The following POMP variants were observed in gnomAD, a reference collection of about 807,000 sequenced individuals.
The protein encoded by POMP is proteasome maturation protein.
In POMP, 12 loss-of-function variants were observed where a neutral mutation model predicts 20.6. That is an observed-to-expected ratio of 0.58 (90% CI 0.37 to 0.94). POMP has a LOEUF of 0.94. Ranked by LOEUF, POMP falls within the 40% of genes least tolerant of loss-of-function variation. The pLI, the probability that POMP is intolerant of heterozygous loss-of-function variation, is 0.01. For synonymous variants in POMP, 53 were observed against 55.0 expected (o/e 0.96, Z 0.16); for missense variants, 136 against 161.1 (o/e 0.84, Z 0.84).
intron 5 of POMP, among the ~76,000 whole-genome samples, chr13:28,674,531 A>T (rs1365778007): frequency 6.6e-6 from 1 of 152,240 alleles, no homozygotes; most frequent in Non-Finnish European, 1.5e-5. Context: ...GTCTCCCAGC[A>T]TATATAAGAG....
At position 28,668,529 on chromosome 13, in the gene POMP, A is replaced by C. The variant is rs560145213; in HGVS notation, c.219A>C (p.Leu73=). 6.2e-7 allele frequency: 1 copy of C among 1,613,202 alleles called. No homozygotes were observed. The highest frequency in any genetic ancestry group is 8.5e-7 in the Non-Finnish European group (1 of 1,179,200). Reference sequence around the variant, plus strand: ...CCACACTGAGAAACATTCAGGGTCTATTTGCTCCGCTAAAATTACAGATGG... The same window carrying C: ...CCACACTGAGAAACATTCAGGGTCTCTTTGCTCCGCTAAAATTACAGATGG... ...NFSTLRNIQG[L]FAPLKLQMEF... is the part of the protein sequence containing the mutation. Residue 73 remains leucine (L), a synonymous_variant, in exon 4 of 6, where the codon CTA becomes CTC. Coordinates refer to ENST00000380842, the MANE Select transcript of POMP (RefSeq NM_015932.6).
chr13:28,672,257 A>G, intron 4 of POMP, 82 bp from the exon 5 acceptor site: 1 of 1,138,872 alleles, frequency 8.8e-7, no homozygotes, highest in Admixed American at 1.7e-5. Flanking sequence ...ACAAAGAATA[A>G]AGAACATGAA....
rs1629203 is a variant in POMP at position 28,664,535 on chromosome 13, T to G, written c.128T>G (p.Leu43Trp). The G allele has an allele frequency of 6.3e-7, 1 of 1,583,596 alleles. No individual in the cohort carries two copies. Among genetic ancestry groups the G allele is most frequent in the South Asian group, 1.1e-5 (1 of 89,752 alleles). ...KGFSCVKNEL[L>W]PSHPLELSEK... The stretch of plus-strand genomic sequence containing the variant: ...TTTTCTTGTGTGAAAAATGAACTTT[T>G]GCCTAGTCATCCCCTTGAATTATCA... The change falls in exon 3 of 6, where the codon TTG becomes TGG. Residue 43 changes from leucine (L) to tryptophan (W), a missense_variant. Physicochemically the swap from Leu to Trp is moderately conservative, Grantham distance 61. Coordinates refer to ENST00000380842, the MANE Select transcript of POMP (RefSeq NM_015932.6).
At chr13:28,670,723 T>C (rs1884531901) in intron 4 of POMP, among the ~76,000 whole-genome samples, 1 of 152,254 alleles carries the variant, frequency 6.6e-6, no homozygotes, top group African/African-American at 2.4e-5. Flanking sequence ...CAGATTCCTT[T>C]CTCTGACCTA....
intron 5 of POMP, among the ~76,000 whole-genome samples, chr13:28,672,833 A>G (rs1193471835): frequency 6.6e-6 from 1 of 152,180 alleles, no homozygotes; most frequent in Non-Finnish European, 1.5e-5. Context: ...TCATGTCCTG[A>G]GCTTCAAGTG....
At chr13:28,676,945 T>C (rs1335949572) in intron 5 of POMP, among the ~76,000 whole-genome samples, 1 of 152,178 alleles carries the variant, frequency 6.6e-6, no homozygotes, top group African/African-American at 2.4e-5. Flanking sequence ...ATGCTGTCTT[T>C]TGGTGCAAGT....
At chr13:28,660,585 G>A (rs1345030387) in intron 1 of POMP, among the ~76,000 whole-genome samples, 2 of 152,220 alleles carry the variant, frequency 1.3e-5, no homozygotes, top group African/African-American at 4.8e-5. Context: ...AGGAGCATTT[G>A]TAGTCCTGGT....
chr13:28,677,547 T>A (rs985670778), intron 5 of POMP, among the ~76,000 whole-genome samples: 1 of 152,252 alleles, frequency 6.6e-6, no homozygotes, highest in African/African-American at 2.4e-5. Flanking sequence ...ACAAAAGTGA[T>A]GATTTTTAAA....
At chr13:28,663,357 C>T (rs1167690808) in intron 2 of POMP, among the ~76,000 whole-genome samples, 1 of 152,194 alleles carries the variant, frequency 6.6e-6, no homozygotes, top group African/African-American at 2.4e-5. Context: ...GTTGCCCAGG[C>T]TGGAGTGCAA....
rs145147453 is a variant in POMP, at chr13:28,673,585, C to T, written c.358+1153C>T. Among the ~76,000 whole-genome samples the T allele has an allele frequency of 1.2e-4, 19 of 152,266 alleles. No homozygotes were observed. In the South Asian group the frequency reaches 2.7e-3, roughly 22 times the overall value. ...TTAGTTTTGCTTGGCTGCTGATGTC[C>T]GGTAAGGAAATGCTGTGGACATAAC... On this transcript the variant is annotated intron_variant, in intron 5 of 5. Coordinates refer to ENST00000380842, the MANE Select transcript of POMP (RefSeq NM_015932.6).
intron 4 of POMP, among the ~76,000 whole-genome samples, chr13:28,670,475 C>T (rs908550161): frequency 6.6e-6 from 1 of 152,126 alleles, no homozygotes; most frequent in African/African-American, 2.4e-5. Context: ...CCCTGCTGCC[C>T]CTCCAATCCT....
chr13:28,662,390 G>GT lies in POMP; in HGVS notation c.4-14dup, dbSNP rs780645157. 2.5e-6 allele frequency: 4 copies of GT among 1,577,196 alleles called. No individual in the cohort carries two copies. The South Asian group carries it at 4.4e-5, about 18-fold the overall frequency. ...TTAAATTTTTTTTCTATTTAATAATGTTTTTTATTTGTGTTGTAGAATGCC... is the reference window on the plus strand; with the variant it reads ...TTAAATTTTTTTTCTATTTAATAATGTTTTTTTATTTGTGTTGTAGAATGCC... On this transcript the variant is annotated intron_variant, in intron 1 of 5. Coordinates refer to ENST00000380842, the MANE Select transcript of POMP (RefSeq NM_015932.6).
intron 3 of POMP, among the ~76,000 whole-genome samples, chr13:28,667,004 T>C (rs1405519641): frequency 6.6e-6 from 1 of 152,164 alleles, no homozygotes; most frequent in African/African-American, 2.4e-5. Context: ...TGAAGAATTA[T>C]CTGGCCCAAG....
chr13:28,677,643 G>A (rs1045026746), intron 5 of POMP, among the ~76,000 whole-genome samples: 14 of 152,154 alleles, frequency 9.2e-5, no homozygotes, highest in African/African-American at 3.4e-4. Flanking sequence ...TGAATTAAGA[G>A]ATTGTTTCCC....
chr13:28,667,464 A>C (rs1296866334), intron 3 of POMP, among the ~76,000 whole-genome samples: 12 of 152,200 alleles, frequency 7.9e-5, no homozygotes, highest in Admixed American at 7.9e-4. Flanking sequence ...AGAACTTCAG[A>C]TCATATACCC....
At chr13:28,668,298 T>C (rs575781377) in intron 3 of POMP, among the ~76,000 whole-genome samples, 175 bp from the exon 4 acceptor site, 2 of 152,346 alleles carry the variant, frequency 1.3e-5, no homozygotes, top group Admixed American at 6.5e-5. Context: ...AAATGAAATA[T>C]AGACATATGT....
At position 28,678,946 on chromosome 13, in the gene POMP, A is replaced by G. The variant is rs1168779266; in HGVS notation, c.*844A>G. The G allele has an allele frequency of 6.6e-6, 1 of 152,232 alleles. No homozygotes were observed. The highest frequency in any genetic ancestry group is 1.5e-5 in the Non-Finnish European group (1 of 68,042). The allele number at this position is 152,232 out of a possible 1,614,324, so 9.4% of individuals were successfully genotyped here. Reference sequence around the variant, plus strand: ...AGGAACATCTTTGATTAGATAAATTACTGATTTGAAACATTTGGCAATGTC... The same window carrying G: ...AGGAACATCTTTGATTAGATAAATTGCTGATTTGAAACATTTGGCAATGTC... On this transcript the variant is annotated 3_prime_UTR_variant, in exon 6 of 6. Coordinates refer to ENST00000380842, the MANE Select transcript of POMP (RefSeq NM_015932.6).
At chr13:28,676,122 A>G (rs1225321165) in intron 5 of POMP, among the ~76,000 whole-genome samples, 1 of 152,064 alleles carries the variant, frequency 6.6e-6, no homozygotes, top group East Asian at 1.9e-4. Flanking sequence ...CTCCTGCCTC[A>G]GACTCCTGAG....
intron 4 of POMP, 54 bp from the exon 5 acceptor site, chr13:28,672,285 G>A (rs1884561635): frequency 1.5e-6 from 2 of 1,324,092 alleles, no homozygotes; most frequent in Non-Finnish European, 2.2e-6. Flanking sequence ...TATATATTCT[G>A]TCATTTTCCC....
Sources: gnomAD v4.1 joint callset for allele counts (sites outside exome capture counted in the v4.1 genomes callset) on GRCh38, gnomAD v4.1.1 for gene constraint, MANE v1.5 for transcripts, NCBI Gene and HGNC (gene_info 2026-07-23, HGNC 2026-07-21) for gene names.